Variants in BLTP1 observed in about 807,000 individuals in gnomAD.
BLTP1 encodes fragile site-associated protein.
the BLTP1 span, chr4:122,207,398 C>A: frequency 7.1e-7 from 1 of 1,416,860 alleles, no homozygotes; most frequent in Non-Finnish European, 9.3e-7. Flanking sequence ...GTGAGACTCT[C>A]AGAAGACTGT....
the BLTP1 span, chr4:122,207,602 T>C: frequency 6.2e-7 from 1 of 1,611,502 alleles, no homozygotes; most frequent in Non-Finnish European, 8.5e-7. Context: ...TTACGGACTT[T>C]GTTCCAGCTA....
chr4:122,242,414 A>G, the BLTP1 span, among the ~76,000 whole-genome samples: 1 of 152,294 alleles, frequency 6.6e-6, no homozygotes, highest in South Asian at 2.1e-4. Context: ...CGTAGAATCT[A>G]AGCAAGCTCT....
the BLTP1 span, chr4:122,247,505 G>GTGGTA: frequency 9.6e-7 from 1 of 1,044,938 alleles, no homozygotes. Flanking sequence ...TATTGAACAC[G>GTGGTA]TGGTATTTAG....
At chr4:122,182,907 CA>C in the BLTP1 span, 1 of 984,798 alleles carries the variant, frequency 1.0e-6, no homozygotes, top group African/African-American at 1.7e-5. Flanking sequence ...AGATTTTTAT[CA>C]AAAACCACCT....
chr4:122,178,203 T>A, the BLTP1 span: 1 of 837,814 alleles, frequency 1.2e-6, no homozygotes, highest in African/African-American at 1.8e-5. Flanking sequence ...AAATTAATTC[T>A]TATGAGATTC....
chr4:122,220,233 C>A, the BLTP1 span: 1 of 1,302,396 alleles, frequency 7.7e-7, no homozygotes, highest in Non-Finnish European at 1.1e-6. Context: ...TTTTGAAAAA[C>A]AAATTCTCTT....
the BLTP1 span, among the ~76,000 whole-genome samples, chr4:122,213,397 A>G: frequency 3.1e-4 from 47 of 152,148 alleles, no homozygotes; most frequent in Non-Finnish European, 5.0e-4. Flanking sequence ...TAGTACCTTA[A>G]AACTTTTTGG....
the BLTP1 span, chr4:122,353,716 A>G: frequency 1.5e-6 from 2 of 1,364,040 alleles, no homozygotes; most frequent in Non-Finnish European, 2.0e-6. The surrounding 1 kb of genome is among the most constrained non-coding windows in gnomAD (Gnocchi z 4.3). Context: ...TAGCCTTCCT[A>G]TATATGACAA....
the BLTP1 span, chr4:122,224,427 G>A: frequency 6.7e-7 from 1 of 1,482,478 alleles, no homozygotes; most frequent in South Asian, 1.4e-5. Context: ...CAGGGGGTGT[G>A]GGGGGAAACA....
the BLTP1 span, among the ~76,000 whole-genome samples, chr4:122,203,342 G>C: frequency 6.6e-6 from 1 of 151,800 alleles, no homozygotes; most frequent in African/African-American, 2.4e-5. Context: ...AGAAACTGAA[G>C]CCTCTTCTGG....
chr4:122,275,138 C>T, the BLTP1 span, among the ~76,000 whole-genome samples: 3 of 151,934 alleles, frequency 2.0e-5, no homozygotes, highest in Non-Finnish European at 2.9e-5. Context: ...CAGGAAATTC[C>T]GGTGGTTGTG....
chr4:122,156,654 G>GGAT, the BLTP1 span, among the ~76,000 whole-genome samples: 2 of 152,172 alleles, frequency 1.3e-5, no homozygotes, highest in Non-Finnish European at 2.9e-5. Flanking sequence ...GAATAGAGAA[G>GGAT]GATATAGCTA....
At chr4:122,293,295 GA>G in the BLTP1 span, 1 of 466,640 alleles carries the variant, frequency 2.1e-6, no homozygotes, top group Non-Finnish European at 2.8e-6. Flanking sequence ...TGAAAATGGT[GA>G]GTGAATTCAG....
At chr4:122,234,629 G>A in the BLTP1 span, 8 of 920,318 alleles carry the variant, frequency 8.7e-6, no homozygotes, top group Non-Finnish European at 1.3e-5. Context: ...AACACAGTGG[G>A]AATAAACCTT....
chr4:122,356,049 G>C, the BLTP1 span: 1 of 1,255,094 alleles, frequency 8.0e-7, no homozygotes, highest in African/African-American at 1.5e-5. Context: ...TCAAACTACT[G>C]CTGTGTTCCC....
the BLTP1 span, chr4:122,349,289 T>C: frequency 1.2e-6 from 2 of 1,613,228 alleles, no homozygotes; most frequent in South Asian, 1.1e-5. This position sits in a 1 kb window ranked among gnomAD's most constrained non-coding sequence, Gnocchi z 4.5. Flanking sequence ...GGAGGGACCA[T>C]AGATGTCAAT....
the BLTP1 span, chr4:122,349,256 T>G: frequency 6.2e-7 from 1 of 1,613,634 alleles, no homozygotes; most frequent in Non-Finnish European, 8.5e-7. This position sits in a 1 kb window ranked among gnomAD's most constrained non-coding sequence, Gnocchi z 4.5. Context: ...AGATCACAAT[T>G]AGATTCTAAA....
chr4:122,221,279 T>C, the BLTP1 span, among the ~76,000 whole-genome samples: 1 of 152,182 alleles, frequency 6.6e-6, no homozygotes, highest in Non-Finnish European at 1.5e-5. Flanking sequence ...TTTTTCTTCA[T>C]GGAATTTTAA....
chr4:122,262,756 T>G, the BLTP1 span: 1 of 1,566,166 alleles, frequency 6.4e-7, no homozygotes, highest in East Asian at 2.3e-5. Flanking sequence ...AAGTTACACT[T>G]TCTGTAGGGC....
Sources: allele counts gnomAD v4.1 joint callset (sites outside exome capture counted in the v4.1 genomes callset), GRCh38; gene constraint gnomAD v4.1.1; non-coding constraint Gnocchi (gnomAD v3.1); transcripts MANE v1.5; gene names NCBI Gene and HGNC (gene_info 2026-07-23, HGNC 2026-07-21).